CCDC102B: variants seen among roughly 807,000 people sequenced by gnomAD.
The protein encoded by CCDC102B is coiled-coil domain-containing protein 102B.
CCDC102B carries 75 observed loss-of-function variants against 57.4 expected under a neutral mutation model. The observed-to-expected ratio is 1.31, with a 90% CI of 1.08 to 1.58. CCDC102B has a LOEUF of 1.58. Among genes scored for constraint, CCDC102B ranks in the 40% most tolerant of loss-of-function variants. CCDC102B has a pLI of 0.00. For synonymous variants in CCDC102B, 206 were observed against 201.9 expected, an observed-to-expected ratio of 1.02 and a Z score of -0.17; for missense variants, 636 against 582.6, an observed-to-expected ratio of 1.09 and a Z score of -0.94.
chr18:68,721,684 CAT>C (rs965046779), intron 2 of CCDC102B: 3 of 152,118 alleles, frequency 2.0e-5, no homozygotes, highest in Non-Finnish European at 4.4e-5. Flanking sequence ...TTGGAAGTAG[CAT>C]AGTGTTTGAT....
intron 2 of CCDC102B, among the ~76,000 whole-genome samples, chr18:68,791,703 A>G (rs561289513): frequency 3.3e-5 from 5 of 152,162 alleles, no homozygotes; most frequent in Admixed American, 6.5e-5. Context: ...AAAATTATCT[A>G]GTCTAATTTC....
At chr18:68,801,908 G>C (rs1449649897) in intron 1 of CCDC102B, among the ~76,000 whole-genome samples, 1 of 152,114 alleles carries the variant, frequency 6.6e-6, no homozygotes, top group Non-Finnish European at 1.5e-5. Flanking sequence ...AGATCAAATA[G>C]TCTTATTAGT....
At chr18:68,889,270 A>G (rs2039991897) in intron 5 of CCDC102B, among the ~76,000 whole-genome samples, 1 of 152,164 alleles carries the variant, frequency 6.6e-6, no homozygotes, top group South Asian at 2.1e-4. Context: ...AAAGAGGCCC[A>G]AGGTGCTAGC....
intron 5 of CCDC102B, among the ~76,000 whole-genome samples, chr18:68,884,164 G>A (rs1345676873): frequency 6.6e-6 from 1 of 151,946 alleles, no homozygotes; most frequent in African/African-American, 2.4e-5. Flanking sequence ...CCTCCTCTGC[G>A]AATATACATA....
intron 1 of CCDC102B, among the ~76,000 whole-genome samples, chr18:68,822,045 C>CT (rs2036711448): frequency 6.6e-6 from 1 of 152,038 alleles, no homozygotes; most frequent in Non-Finnish European, 1.5e-5. Context: ...GGAATACTTT[C>CT]TAAAAATTAT....
intron 2 of CCDC102B, among the ~76,000 whole-genome samples, chr18:68,728,569 AC>A (rs2032707807): frequency 6.6e-6 from 1 of 152,172 alleles, no homozygotes; most frequent in Admixed American, 6.5e-5. Context: ...GCTGGCTGTG[AC>A]CTGAAGCAGG....
intron 4 of CCDC102B, among the ~76,000 whole-genome samples, chr18:68,867,331 C>G (rs192733244): frequency 3.2e-4 from 49 of 152,272 alleles, no homozygotes; most frequent in African/African-American, 1.0e-3. Flanking sequence ...AAAATCTTCC[C>G]TTTTCCTGCC....
chr18:69,049,816 A>ATTTT lies in CCDC102B; in HGVS notation c.1435-4206_1435-4203dup, dbSNP rs60818982. Among the ~76,000 whole-genome samples, 1,004 of 147,462 alleles carry ATTTT rather than the reference A, an allele frequency of 6.8e-3. 15 individuals carry two copies. Among genetic ancestry groups the ATTTT allele is most frequent in the African/African-American group, 0.023 (910 of 40,444 alleles). ...GGTCCATTGCTTAACTTTTCATTGC[A>ATTTT]TTTTTTTTTTTGAGACGGAGTCTCA... On this transcript the variant is annotated intron_variant, in intron 7 of 7. Transcript: ENST00000360242.
At chr18:69,004,379 C>T (rs993229684) in intron 6 of CCDC102B, among the ~76,000 whole-genome samples, 2 of 152,150 alleles carry the variant, frequency 1.3e-5, no homozygotes, top group Non-Finnish European at 2.9e-5. Context: ...ACCTTTGGAC[C>T]TGTCCCAAGT....
intron 6 of CCDC102B, among the ~76,000 whole-genome samples, chr18:68,941,746 T>C (rs2049385694): frequency 6.6e-6 from 1 of 152,102 alleles, no homozygotes; most frequent in Non-Finnish European, 1.5e-5. Flanking sequence ...TGTGATGATA[T>C]CATAAGGCAA....
Position 68,836,989 on chromosome 18 carries a change from C to T in CCDC102B, c.226C>T (p.Arg76Trp), listed in dbSNP as rs370767485. 2.3e-5 allele frequency: 37 copies of T among 1,613,934 alleles called. No individual in the cohort carries two copies. The African/African-American group carries it at 3.1e-4, about 13-fold the overall frequency. Residue 76 changes from arginine to tryptophan, a missense_variant, in exon 2 of 8, where the codon CGG becomes TGG. Transcript: ENST00000360242. ...GGATATTTGTGAAGAACTTCGCCTG[C>T]GGGAGCTTGAAGAAGTCAAGGCCAG... ...KWDICEELRL[R>W]ELEEVKARAA...
intron 2 of CCDC102B, among the ~76,000 whole-genome samples, chr18:68,760,598 C>A (rs1041057517): frequency 3.9e-5 from 6 of 151,988 alleles, no homozygotes; most frequent in Non-Finnish European, 8.8e-5. Context: ...GGTATAAGAA[C>A]CAGCAAAGGA....
chr18:68,949,636 A>AG (rs2145192628), intron 6 of CCDC102B, among the ~76,000 whole-genome samples: 1 of 150,506 alleles, frequency 6.6e-6, no homozygotes, highest in African/African-American at 2.5e-5. Context: ...AATGAATGAC[A>AG]AAGGAACGAT....
chr18:68,825,542 TAGTC>T (rs1196668917), intron 1 of CCDC102B, among the ~76,000 whole-genome samples: 1 of 151,896 alleles, frequency 6.6e-6, no homozygotes, highest in African/African-American at 2.4e-5. Flanking sequence ...ATATAAAAAT[TAGTC>T]AGGCATGGTG....
chr18:68,986,958 G>A (rs1398697038), intron 6 of CCDC102B, among the ~76,000 whole-genome samples: 1 of 152,086 alleles, frequency 6.6e-6, no homozygotes, highest in Admixed American at 6.6e-5. Flanking sequence ...CCATGCTCAT[G>A]GATTGGAAGA....
chr18:68,962,982 T>A (rs1047605685), intron 6 of CCDC102B, among the ~76,000 whole-genome samples: 1 of 152,072 alleles, frequency 6.6e-6, no homozygotes, highest in Non-Finnish European at 1.5e-5. Context: ...TTCACCCTTT[T>A]ATTCATGTGT....
At chr18:68,971,528 G>T (rs1482454461) in intron 6 of CCDC102B, among the ~76,000 whole-genome samples, 1 of 152,060 alleles carries the variant, frequency 6.6e-6, no homozygotes, top group Non-Finnish European at 1.5e-5. Flanking sequence ...TGGAAATTAT[G>T]ATTTTTTTGA....
intron 7 of CCDC102B, among the ~76,000 whole-genome samples, chr18:69,051,166 G>C (rs1354242394): frequency 6.6e-6 from 1 of 152,086 alleles, no homozygotes; most frequent in Non-Finnish European, 1.5e-5. Flanking sequence ...TTATAGATGT[G>C]AGCCTCTTTT....
chr18:68,721,711 A>G (rs950974341), intron 2 of CCDC102B, among the ~76,000 whole-genome samples: 1 of 152,234 alleles, frequency 6.6e-6, no homozygotes, highest in African/African-American at 2.4e-5. Context: ...GTTACTGATA[A>G]TAAGACTTTC....
Sources: gnomAD v4.1 joint callset for allele counts (sites outside exome capture counted in the v4.1 genomes callset) on GRCh38, gnomAD v4.1.1 for gene constraint, MANE v1.5 for transcripts, NCBI Gene and HGNC (gene_info 2026-07-23, HGNC 2026-07-21) for gene names.